Variants in CIMIP6 observed in about 807,000 individuals in gnomAD.
CIMIP6 encodes ciliary microtubule inner protein 6, also known as uncharacterized protein C2orf73.
At chr2:54,351,735 A>G in the CIMIP6 span, among the ~76,000 whole-genome samples, 1 of 152,198 alleles carries the variant, frequency 6.6e-6, no homozygotes, top group South Asian at 2.1e-4. Flanking sequence ...GCTTACCTAT[A>G]CATAACAAAC....
the CIMIP6 span, among the ~76,000 whole-genome samples, chr2:54,357,034 GT>G: frequency 1.6e-4 from 24 of 152,118 alleles, no homozygotes; most frequent in Non-Finnish European, 2.5e-4. Context: ...AATTTTCTCA[GT>G]GTCATGCTTA....
At chr2:54,355,439 T>C in the CIMIP6 span, among the ~76,000 whole-genome samples, 2 of 152,168 alleles carry the variant, frequency 1.3e-5, no homozygotes, top group African/African-American at 4.8e-5. Flanking sequence ...TTGTGTCTCA[T>C]TGCCTCATTT....
the CIMIP6 span, among the ~76,000 whole-genome samples, chr2:54,378,781 C>A: frequency 6.6e-6 from 1 of 152,324 alleles, no homozygotes; most frequent in South Asian, 2.1e-4. Flanking sequence ...AGTCCCAGCT[C>A]GGTTCCCAAA....
At chr2:54,346,390 T>A in the CIMIP6 span, among the ~76,000 whole-genome samples, 1 of 152,162 alleles carries the variant, frequency 6.6e-6, no homozygotes, top group Admixed American at 6.5e-5. Context: ...GGAACCAGTC[T>A]AAAAACCAAA....
At chr2:54,362,617 G>T in the CIMIP6 span, among the ~76,000 whole-genome samples, 1 of 152,092 alleles carries the variant, frequency 6.6e-6, no homozygotes, top group Non-Finnish European at 1.5e-5. Flanking sequence ...CCTTGATCTC[G>T]GCTCACTGCA....
chr2:54,330,895 G>T, the CIMIP6 span: 1 of 1,429,662 alleles, frequency 7.0e-7, no homozygotes, highest in Non-Finnish European at 9.8e-7. Context: ...CAGTCGCCGC[G>T]CTTTGCGCAC....
chr2:54,377,957 G>A, the CIMIP6 span, among the ~76,000 whole-genome samples: 6 of 152,168 alleles, frequency 3.9e-5, no homozygotes, highest in East Asian at 1.9e-4. Context: ...GTTGACATAC[G>A]TGAAACACCC....
the CIMIP6 span, chr2:54,383,725 C>T: frequency 6.6e-6 from 1 of 151,974 alleles, no homozygotes; most frequent in Non-Finnish European, 1.5e-5. Flanking sequence ...ACTACATTGC[C>T]ATGGTTTGAC....
At chr2:54,371,538 C>A in the CIMIP6 span, among the ~76,000 whole-genome samples, 20 of 152,242 alleles carry the variant, frequency 1.3e-4, no homozygotes, top group South Asian at 2.1e-4. Context: ...ACCCCACCCC[C>A]ACTCCACACC....
chr2:54,365,529 G>A, the CIMIP6 span, among the ~76,000 whole-genome samples: 1 of 152,114 alleles, frequency 6.6e-6, no homozygotes, highest in African/African-American at 2.4e-5. Flanking sequence ...AATGACTCAA[G>A]ACATAAGAGA....
chr2:54,343,598 C>T, the CIMIP6 span: 2 of 594,952 alleles, frequency 3.4e-6, no homozygotes, highest in African/African-American at 3.8e-5. Context: ...CAGAACTCCA[C>T]ATTAGTACTG....
At chr2:54,348,531 T>C in the CIMIP6 span, among the ~76,000 whole-genome samples, 6 of 152,350 alleles carry the variant, frequency 3.9e-5, no homozygotes, top group African/African-American at 1.4e-4. Flanking sequence ...ATGATAATTA[T>C]ACATTCTTCA....
chr2:54,336,138 T>G, the CIMIP6 span, among the ~76,000 whole-genome samples: 1 of 152,166 alleles, frequency 6.6e-6, no homozygotes, highest in African/African-American at 2.4e-5. Flanking sequence ...CACAGTAAAT[T>G]AGTTACCCTT....
the CIMIP6 span, among the ~76,000 whole-genome samples, chr2:54,337,513 C>G: frequency 6.6e-6 from 1 of 152,226 alleles, no homozygotes; most frequent in African/African-American, 2.4e-5. Context: ...ATGAATGACT[C>G]TGAGCTCTAG....
the CIMIP6 span, among the ~76,000 whole-genome samples, chr2:54,356,622 A>G: frequency 9.4e-3 from 1,437 of 152,244 alleles, 25 homozygotes; most frequent in African/African-American, 0.033. Context: ...CCCTTTGCTA[A>G]CTTTGAAGAC....
At chr2:54,357,743 AT>A in the CIMIP6 span, among the ~76,000 whole-genome samples, 88 of 144,304 alleles carry the variant, frequency 6.1e-4, no homozygotes, top group Middle Eastern at 3.6e-3. Context: ...CGCCCAGCTA[AT>A]TTTTTTTTTT....
At chr2:54,366,921 T>C in the CIMIP6 span, among the ~76,000 whole-genome samples, 1 of 152,074 alleles carries the variant, frequency 6.6e-6, no homozygotes, top group South Asian at 2.1e-4. Flanking sequence ...CTCAGTAATC[T>C]CCAAAACCTC....
the CIMIP6 span, among the ~76,000 whole-genome samples, chr2:54,353,416 G>C: frequency 6.6e-6 from 1 of 151,994 alleles, no homozygotes; most frequent in East Asian, 1.9e-4. Context: ...CAGTTCTCTT[G>C]AGTTGGTATT....
the CIMIP6 span, among the ~76,000 whole-genome samples, chr2:54,370,339 C>T: frequency 2.0e-5 from 3 of 151,998 alleles, no homozygotes; most frequent in African/African-American, 7.2e-5. Flanking sequence ...AAAGTTAAAG[C>T]TCCCTGCCAC....
Sources: allele counts gnomAD v4.1 joint callset (sites outside exome capture counted in the v4.1 genomes callset), GRCh38; gene constraint gnomAD v4.1.1; transcripts MANE v1.5; gene names NCBI Gene and HGNC (gene_info 2026-07-23, HGNC 2026-07-21).